The following MAML3 variants were observed in gnomAD, a reference collection of about 807,000 sequenced individuals.
MAML3 encodes mastermind like transcriptional coactivator 3, also known as mastermind-like protein 3.
A neutral mutation model predicts 101.9 loss-of-function variants in MAML3; 27 were observed. The observed-to-expected ratio is 0.27, with a 90% CI of 0.20 to 0.37. The LOEUF (loss-of-function observed/expected upper bound fraction) is 0.37, where lower values mean the gene tolerates loss of function less well. MAML3 is among the 10% of genes least tolerant of loss of function. The probability of loss-of-function intolerance (pLI) is 1.00; values close to 1 mark genes in which losing one functional copy is unlikely to be tolerated. For synonymous variants in MAML3, 501 were observed against 555.9 expected, an observed-to-expected ratio of 0.90 and a Z score of 1.39; for missense variants, 1,316 against 1,444.9, an observed-to-expected ratio of 0.91 and a Z score of 1.45.
At chr4:139,949,466 G>C (rs1377255072) in intron 1 of MAML3, among the ~76,000 whole-genome samples, 3 of 152,202 alleles carry the variant, frequency 2.0e-5, no homozygotes, top group Non-Finnish European at 2.9e-5. Flanking sequence ...ATGCCCATTA[G>C]ATCAGAGATT....
intron 1 of MAML3, among the ~76,000 whole-genome samples, chr4:139,929,814 T>C (rs1002855709): frequency 6.6e-6 from 1 of 152,158 alleles, no homozygotes; most frequent in Non-Finnish European, 1.5e-5. Flanking sequence ...AACTTAACCA[T>C]GTCATAGGGC....
At chr4:139,852,968 T>C (rs1731585647) in intron 2 of MAML3, among the ~76,000 whole-genome samples, 1 of 152,204 alleles carries the variant, frequency 6.6e-6, no homozygotes, top group Non-Finnish European at 1.5e-5. Flanking sequence ...TATTTTCTAA[T>C]TGAAAAGAAG....
At chr4:139,742,333 G>A (rs1415384193) in intron 2 of MAML3, among the ~76,000 whole-genome samples, 1 of 152,072 alleles carries the variant, frequency 6.6e-6, no homozygotes, top group Non-Finnish European at 1.5e-5. Flanking sequence ...ATTTTTAGTA[G>A]AGGCAGGGTT....
In MAML3 at chr4:139,977,292, G is replaced by A. The variant is rs1191899544; in HGVS notation, c.469-86325C>T. 3.9e-5 allele frequency among the ~76,000 whole-genome samples: 6 copies of A among 152,198 alleles called. No homozygotes were observed. In the East Asian group the frequency reaches 1.2e-3, roughly 29 times the overall value. The stretch of plus-strand genomic sequence containing the variant: ...TAGGGATGCTGCTGAACATCCCAGA[G>A]TACGCAGGACGGCCCCCGCCACAGA... On this transcript the variant is annotated intron_variant, in intron 1 of 4. Coordinates refer to ENST00000509479, the MANE Select transcript of MAML3 (RefSeq NM_018717.5).
intron 1 of MAML3, among the ~76,000 whole-genome samples, chr4:139,948,599 A>T (rs1010308243): frequency 6.6e-6 from 1 of 152,254 alleles, no homozygotes; most frequent in Non-Finnish European, 1.5e-5. Context: ...TCCCTAAAGG[A>T]TGACACTAGA....
chr4:140,030,133 A>T (rs1726885232), intron 1 of MAML3, among the ~76,000 whole-genome samples: 4 of 151,540 alleles, frequency 2.6e-5, no homozygotes, highest in Admixed American at 1.3e-4. Flanking sequence ...ATTATTTTCC[A>T]CTCCTTCAGT....
intron 3 of MAML3, among the ~76,000 whole-genome samples, chr4:139,726,997 C>T (rs1329381284): frequency 6.6e-6 from 1 of 152,192 alleles, no homozygotes; most frequent in East Asian, 1.9e-4. Context: ...AAGCACCTTT[C>T]ATCTGCAAGG....
At chr4:139,946,923 ACACTCTCT>A (rs1392365652) in intron 1 of MAML3, among the ~76,000 whole-genome samples, 159 of 62,212 alleles carry the variant, frequency 2.6e-3, no homozygotes, top group African/African-American at 0.012. Flanking sequence ...ACACACACAC[ACACTCTCT>A]CTCTCTCTCT....
At chr4:139,987,768 C>T (rs1482675694) in intron 1 of MAML3, among the ~76,000 whole-genome samples, 1 of 152,022 alleles carries the variant, frequency 6.6e-6, no homozygotes, top group Admixed American at 6.6e-5. Context: ...ACCTGTAATC[C>T]CAGCACTTTG....
At chr4:139,866,523 C>T (rs1029947619) in intron 2 of MAML3, among the ~76,000 whole-genome samples, 2 of 152,156 alleles carry the variant, frequency 1.3e-5, no homozygotes, top group African/African-American at 4.8e-5. Context: ...TGCTGTGTGT[C>T]CCCCAGAGAG....
intron 1 of MAML3, among the ~76,000 whole-genome samples, chr4:140,059,970 T>G (rs1389307689): frequency 6.6e-6 from 1 of 152,208 alleles, no homozygotes; most frequent in Admixed American, 6.5e-5. Flanking sequence ...ATGTGATATA[T>G]ATGATAGAAT....
chr4:139,869,847 G>A (rs1731968171), intron 2 of MAML3, among the ~76,000 whole-genome samples: 1 of 152,236 alleles, frequency 6.6e-6, no homozygotes, highest in African/African-American at 2.4e-5. Context: ...AAAAATATGA[G>A]ATCAGAATGT....
intron 1 of MAML3, among the ~76,000 whole-genome samples, chr4:140,017,457 G>GA (rs1234126959): frequency 1.6e-4 from 25 of 151,994 alleles, no homozygotes; most frequent in Non-Finnish European, 3.7e-4. Context: ...ATTTATCCCA[G>GA]AAAAATAAAA....
intron 1 of MAML3, among the ~76,000 whole-genome samples, chr4:140,150,866 T>C (rs764248120): frequency 8.5e-5 from 13 of 152,196 alleles, no homozygotes; most frequent in Non-Finnish European, 1.6e-4. Flanking sequence ...AGTGTGTCAG[T>C]GGTTTTCGGT....
At chr4:139,912,857 C>T (rs967479690) in intron 1 of MAML3, among the ~76,000 whole-genome samples, 15 of 152,288 alleles carry the variant, frequency 9.8e-5, no homozygotes, top group Non-Finnish European at 1.3e-4. Context: ...TTTTTACCTT[C>T]GAGCATCCAG....
intron 1 of MAML3, among the ~76,000 whole-genome samples, chr4:140,063,140 G>T (rs185600576): frequency 1.3e-5 from 2 of 152,128 alleles, no homozygotes; most frequent in East Asian, 3.9e-4. Flanking sequence ...AGACCATAGG[G>T]CTATTAAGAA....
chr4:140,149,936 TTTC>T (rs911369702), intron 1 of MAML3, among the ~76,000 whole-genome samples: 10 of 65,340 alleles, frequency 1.5e-4, no homozygotes, highest in East Asian at 1.3e-3. Flanking sequence ...AGCATGTTTC[TTTC>T]TTTTTTTTTT....
rs140709991 is a variant in MAML3 at position 139,984,560 on chromosome 4, C to A, written c.469-93593G>T. Among the ~76,000 whole-genome samples, 1,265 of 152,302 alleles carry A rather than the reference C, an allele frequency of 8.3e-3. 24 individuals carry two copies. The highest frequency in any genetic ancestry group is 0.029 in the African/African-American group (1,211 of 41,562). On this transcript the variant is annotated intron_variant, in intron 1 of 4. Coordinates refer to ENST00000509479, the MANE Select transcript of MAML3 (RefSeq NM_018717.5). ...GACAAGGTTAAATACTTTGCTCCTA[C>A]TCTTTCAAATATACTATTTAGATAG...
chr4:139,823,029 A>G (rs1731001882), intron 2 of MAML3, among the ~76,000 whole-genome samples: 1 of 152,208 alleles, frequency 6.6e-6, no homozygotes, highest in African/African-American at 2.4e-5. Flanking sequence ...TAGCTTTAAG[A>G]TGAATGAAAT....
Sources: gnomAD v4.1 joint callset for allele counts (sites outside exome capture counted in the v4.1 genomes callset) on GRCh38, gnomAD v4.1.1 for gene constraint, MANE v1.5 for transcripts, NCBI Gene and HGNC (gene_info 2026-07-23, HGNC 2026-07-21) for gene names.